The following DEFB124 variants were observed in gnomAD, a reference collection of about 807,000 sequenced individuals.
DEFB124 encodes the protein beta-defensin 124.
For missense variants in DEFB124, 78 were observed against 83.1 expected (o/e 0.94, Z 0.24); for synonymous variants, 38 against 36.5 (o/e 1.04, Z -0.15).
At chr20:31,473,149 G>C in intron 1 of DEFB124, 111 bp from the exon 2 acceptor site, 1 of 910,006 alleles carries the variant, frequency 1.1e-6, no homozygotes, top group Non-Finnish European at 1.7e-6. Flanking sequence ...GGCCTAAGTG[G>C]GAGTATGAGG....
At chr20:31,471,675 C>T (rs1980315715) in intron 2 of DEFB124, among the ~76,000 whole-genome samples, 2 of 147,482 alleles carry the variant, frequency 1.4e-5, no homozygotes, top group African/African-American at 5.2e-5. Flanking sequence ...AGGGGCTCCT[C>T]ACTTCTCAGA....
At position 31,472,938 on chromosome 20, in the gene DEFB124, T is replaced by C. The variant is rs769610056; in HGVS notation, c.58+18A>G. 2.4e-4 allele frequency: 362 copies of C among 1,513,108 alleles called. No individual in the cohort carries two copies. Among genetic ancestry groups the C allele is most frequent in the African/African-American group, 4.5e-4 (23 of 51,208 alleles). The allele number at this position is 1,513,108 out of a possible 1,614,324, so 93.7% of individuals were successfully genotyped here. A position where few individuals can be genotyped will look rare whatever the true frequency, so the allele number is the denominator to read the frequency against. On this transcript the variant is annotated intron_variant, in intron 2 of 2. Coordinates refer to ENST00000317676, the MANE Select transcript of DEFB124 (RefSeq NM_001037500.2). ...ATGTGCACACACACACACACACACA[T>C]GCACACGATGTTGTTACCTGATGGC...
chr20:31,471,812 G>A (rs1980324552), intron 2 of DEFB124, among the ~76,000 whole-genome samples: 2 of 149,414 alleles, frequency 1.3e-5, no homozygotes, highest in African/African-American at 5.0e-5. Flanking sequence ...ATGGGCGGCC[G>A]GGCAGAGACG....
At chr20:31,471,257 G>A (rs1424140194) in intron 2 of DEFB124, among the ~76,000 whole-genome samples, 3 of 139,494 alleles carry the variant, frequency 2.2e-5, no homozygotes, top group Admixed American at 6.9e-5. Context: ...CAGTAGGGGC[G>A]GCTGGGCAGA....
intron 2 of DEFB124, among the ~76,000 whole-genome samples, chr20:31,466,094 T>C (rs1228210869): frequency 1.3e-5 from 2 of 151,938 alleles, no homozygotes; most frequent in African/African-American, 4.8e-5. Context: ...AGGGAGGAGA[T>C]TGCAGTGAGC....
rs1980429640 is a variant in DEFB124, at chr20:31,474,764, T to C, written c.-163A>G. ...AAATAAGATTTTCATAATTCTTCAG[T>C]GCAGACTTCCTGAGCTCTCTCTTCC... On this transcript the variant is annotated 5_prime_UTR_variant, in exon 1 of 3. Transcript: ENST00000317676. Among the ~76,000 whole-genome samples, 1 of 152,200 alleles carries C rather than the reference T, an allele frequency of 6.6e-6. No individual in the cohort carries two copies. The highest frequency in any genetic ancestry group is 2.4e-5 in the African/African-American group (1 of 41,438).
chr20:31,470,530 G>C (rs1264023574), intron 2 of DEFB124, among the ~76,000 whole-genome samples: 1 of 133,778 alleles, frequency 7.5e-6, no homozygotes, highest in African/African-American at 2.9e-5. Context: ...CTCACTTCCC[G>C]GACGGGGCGG....
At chr20:31,470,330 G>A (rs1468162947) in intron 2 of DEFB124, among the ~76,000 whole-genome samples, 1 of 142,660 alleles carries the variant, frequency 7.0e-6, no homozygotes, top group African/African-American at 2.6e-5. Context: ...AGGGGCGGCC[G>A]GGCAGAGGCG....
rs1980058049 is a variant in DEFB124, at chr20:31,465,505, G to A, written c.*1C>T. 1 of 1,614,046 alleles carries A rather than the reference G, an allele frequency of 6.2e-7. No homozygotes were observed. Among genetic ancestry groups the A allele is most frequent in the African/African-American group, 1.3e-5 (1 of 75,044 alleles). ...GTGTTTTATTGGACAGCAGGAACCA[G>A]CTACTCATATTCATGCTTGGGGACC... On this transcript the variant is annotated 3_prime_UTR_variant, in exon 3 of 3. Coordinates refer to ENST00000317676, the MANE Select transcript of DEFB124 (RefSeq NM_001037500.2).
chr20:31,468,633 G>A (rs898900308), intron 2 of DEFB124, among the ~76,000 whole-genome samples: 1 of 151,726 alleles, frequency 6.6e-6, no homozygotes, highest in African/African-American at 2.4e-5. Context: ...CCACCACCAC[G>A]CCCAACTAAT....
chr20:31,472,210 G>A (rs1386413724), intron 2 of DEFB124, among the ~76,000 whole-genome samples: 40 of 152,282 alleles, frequency 2.6e-4, no homozygotes, highest in African/African-American at 8.9e-4. Context: ...AGACCAGCCC[G>A]GCCAACACAG....
At chr20:31,472,898 T>G in intron 2 of DEFB124, 58 bp downstream of exon 2, 2 of 1,580,286 alleles carry the variant, frequency 1.3e-6, no homozygotes, top group Non-Finnish European at 1.7e-6. Context: ...CTAGTCCTCA[T>G]TTTTACAAGC....
rs1236441121 is a variant in DEFB124 at position 31,472,425 on chromosome 20, GGGGAGAGGGGAGAA to G, written c.58+517_58+530del. Among the ~76,000 whole-genome samples, 8 of 143,188 alleles carry G rather than the reference GGGGAGAGGGGAGAA, an allele frequency of 5.6e-5. No homozygotes were observed. In the East Asian group the frequency reaches 1.5e-3, roughly 26 times the overall value. 93.9% of individuals were successfully genotyped at this position (143,188 alleles called of 152,430 possible). A position where few individuals can be genotyped will look rare whatever the true frequency, so the allele number is the denominator to read the frequency against. ...AGGGAGAGGGAGACCGAGAGGGAGAGGGGAGAGGGGAGAAGGGAGAGGGGAGAGGGGAGAGGGGA... is the reference window on the plus strand; with the variant it reads ...AGGGAGAGGGAGACCGAGAGGGAGAGGGGAGAGGGGAGAGGGGAGAGGGGA... On this transcript the variant is annotated intron_variant, in intron 2 of 2. Transcript: ENST00000317676.
intron 2 of DEFB124, among the ~76,000 whole-genome samples, chr20:31,471,261 G>A (rs1478741466): frequency 7.2e-6 from 1 of 139,640 alleles, no homozygotes; most frequent in South Asian, 2.3e-4. Flanking sequence ...AGGGGCGGCT[G>A]GGCAGAGGCG....
intron 2 of DEFB124, among the ~76,000 whole-genome samples, chr20:31,468,472 T>C (rs6120371): frequency 0.011 from 1,707 of 152,018 alleles, 31 homozygotes; most frequent in African/African-American, 0.039. Context: ...TCTTTTTATT[T>C]TCTTTTTCTA....
chr20:31,473,693 A>G (rs1980397140), intron 1 of DEFB124, among the ~76,000 whole-genome samples: 1 of 152,234 alleles, frequency 6.6e-6, no homozygotes, highest in African/African-American at 2.4e-5. Flanking sequence ...AGAAGGCCAC[A>G]GGTCACAGAG....
At chr20:31,468,506 TCA>T (rs1980139179) in intron 2 of DEFB124, among the ~76,000 whole-genome samples, 1 of 151,762 alleles carries the variant, frequency 6.6e-6, no homozygotes, top group African/African-American at 2.4e-5. Context: ...AGACAGAGTC[TCA>T]CTCTGTTGCC....
intron 2 of DEFB124, among the ~76,000 whole-genome samples, chr20:31,470,376 G>A (rs1395608327): frequency 3.7e-4 from 54 of 144,984 alleles, no homozygotes; most frequent in Non-Finnish European, 6.4e-4. Context: ...TGGCCGGGCG[G>A]GGGGCTGACC....
At chr20:31,468,346 T>TC (rs1763377112) in intron 2 of DEFB124, among the ~76,000 whole-genome samples, 2 of 152,128 alleles carry the variant, frequency 1.3e-5, no homozygotes, top group African/African-American at 4.8e-5. Flanking sequence ...TTATATAAAA[T>TC]AAGATCGCTG....
Sources: gnomAD v4.1 joint callset for allele counts (sites outside exome capture counted in the v4.1 genomes callset) on GRCh38, gnomAD v4.1.1 for gene constraint, MANE v1.5 for transcripts, NCBI Gene and HGNC (gene_info 2026-07-23, HGNC 2026-07-21) for gene names.